AGBL4: variants seen among roughly 807,000 people sequenced by gnomAD.
The protein encoded by AGBL4 is AGBL carboxypeptidase 4, also known as cytosolic carboxypeptidase 6.
A neutral mutation model predicts 66.4 loss-of-function variants in AGBL4; 58 were observed. The observed-to-expected ratio is 0.87, with a 90% CI of 0.71 to 1.09. The LOEUF (loss-of-function observed/expected upper bound fraction) is 1.09, where lower values mean the gene tolerates loss of function less well. Among genes scored for constraint, AGBL4 ranks in the 50% least tolerant of loss-of-function variants. The probability of loss-of-function intolerance (pLI) is 0.00; values close to 1 mark genes in which losing one functional copy is unlikely to be tolerated. For synonymous variants in AGBL4, 234 were observed against 222.9 expected, an observed-to-expected ratio of 1.05 and a Z score of -0.44; for missense variants, 579 against 631.0, an observed-to-expected ratio of 0.92 and a Z score of 0.88.
chr1:48,769,526 A>AACACACACACACACACACAC (rs558937968), intron 6 of AGBL4, among the ~76,000 whole-genome samples: 2 of 130,216 alleles, frequency 1.5e-5, no homozygotes, highest in Non-Finnish European at 3.2e-5. Flanking sequence ...GAGGATTTAA[A>AACACACACACACACACACAC]ACACACACAC....
chr1:49,166,059 T>G (rs1224749716), intron 4 of AGBL4, among the ~76,000 whole-genome samples: 1 of 152,136 alleles, frequency 6.6e-6, no homozygotes, highest in Non-Finnish European at 1.5e-5. Context: ...CTGCATCTTG[T>G]GGACCTTAAA....
At chr1:49,790,719 G>A (rs1159507701) in intron 2 of AGBL4, among the ~76,000 whole-genome samples, 1 of 152,074 alleles carries the variant, frequency 6.6e-6, no homozygotes, top group Admixed American at 6.6e-5. Flanking sequence ...AAAACAGAGG[G>A]GATTCAGTGC....
intron 4 of AGBL4, among the ~76,000 whole-genome samples, chr1:49,238,717 G>A (rs1235401750): frequency 6.6e-6 from 1 of 152,172 alleles, no homozygotes; most frequent in Non-Finnish European, 1.5e-5. Context: ...TGGAGTAGGT[G>A]ATCATTGTCT....
At chr1:48,953,264 T>G (rs1571084106) in intron 5 of AGBL4, among the ~76,000 whole-genome samples, 1 of 152,154 alleles carries the variant, frequency 6.6e-6, no homozygotes, top group Non-Finnish European at 1.5e-5. Flanking sequence ...ATAGTTTCTA[T>G]CCCCATCACT....
At chr1:49,342,828 T>C (rs559783840) in intron 3 of AGBL4, among the ~76,000 whole-genome samples, 1 of 152,318 alleles carries the variant, frequency 6.6e-6, no homozygotes, top group South Asian at 2.1e-4. Context: ...AAATTCTAGA[T>C]CTTATAAAAA....
chr1:49,154,200 G>C (rs1320185076), intron 4 of AGBL4, among the ~76,000 whole-genome samples: 1 of 152,010 alleles, frequency 6.6e-6, no homozygotes, highest in Non-Finnish European at 1.5e-5. Flanking sequence ...TGTTACATCA[G>C]GAAAAGAGCT....
chr1:48,673,352 C>G (rs1346672588), intron 6 of AGBL4, among the ~76,000 whole-genome samples: 1 of 150,836 alleles, frequency 6.6e-6, no homozygotes, highest in Admixed American at 6.6e-5. Context: ...CCTTGTAGGC[C>G]TGGGAGTAAT....
At chr1:49,513,820 T>G (rs1649498217) in intron 3 of AGBL4, among the ~76,000 whole-genome samples, 1 of 151,996 alleles carries the variant, frequency 6.6e-6, no homozygotes, top group Admixed American at 6.6e-5. Context: ...GACTGACAAA[T>G]TAATCAGTTA....
At chr1:49,217,468 CA>C (rs1490775065) in intron 4 of AGBL4, among the ~76,000 whole-genome samples, 1 of 152,112 alleles carries the variant, frequency 6.6e-6, no homozygotes, top group Admixed American at 6.6e-5. Flanking sequence ...TTTTTGAAAC[CA>C]TCATAATCTA....
chr1:49,866,398 C>G (rs1366995619), intron 1 of AGBL4, among the ~76,000 whole-genome samples: 1 of 152,140 alleles, frequency 6.6e-6, no homozygotes, highest in Admixed American at 6.5e-5. Context: ...GCCCATCAGA[C>G]TAAAAGCAGA....
chr1:49,310,608 T>C (rs1644926030), intron 3 of AGBL4, among the ~76,000 whole-genome samples: 1 of 152,042 alleles, frequency 6.6e-6, no homozygotes, highest in Admixed American at 6.6e-5. Flanking sequence ...AAATAAGCTT[T>C]GAAGATACAT....
rs577943953 is a variant in AGBL4, at chr1:49,296,804, C to T, written c.283-50940G>A. ...GGAGATAAACTTAGTTAAGGCAGAG[C>T]CTCTTCTGTGTCAACACTGTCAGCA... is the stretch of plus-strand genomic sequence containing the variant. On this transcript the variant is annotated intron_variant, in intron 3 of 13. Transcript: ENST00000371839. Among the ~76,000 whole-genome samples the T allele has an allele frequency of 2.7e-4, 41 of 152,296 alleles. No individual in the cohort carries two copies. The South Asian group carries it at 8.5e-3, about 32-fold the overall frequency.
chr1:49,286,163 G>C (rs1034751694), intron 3 of AGBL4, among the ~76,000 whole-genome samples: 10 of 152,066 alleles, frequency 6.6e-5, no homozygotes, highest in African/African-American at 7.2e-5. Flanking sequence ...ATTCAACAAC[G>C]CTTCATGCTA....
At chr1:49,749,655 C>T (rs546992277) in intron 2 of AGBL4, among the ~76,000 whole-genome samples, 33 of 152,096 alleles carry the variant, frequency 2.2e-4, no homozygotes, top group South Asian at 1.7e-3. Flanking sequence ...ATTCCATTCA[C>T]GGTTATATCA....
intron 2 of AGBL4, among the ~76,000 whole-genome samples, chr1:49,746,744 A>G (rs2147824007): frequency 6.6e-6 from 1 of 152,228 alleles, no homozygotes; most frequent in East Asian, 1.9e-4. Flanking sequence ...AATTCTTACT[A>G]GATCCTTTGG....
At chr1:49,603,543 TAAA>T (rs1645003644) in intron 3 of AGBL4, among the ~76,000 whole-genome samples, 1 of 140,306 alleles carries the variant, frequency 7.1e-6, no homozygotes, top group African/African-American at 2.5e-5. Context: ...AATAAATAAA[TAAA>T]TAAATAAATA....
chr1:49,644,756 C>A (rs1229504177), intron 3 of AGBL4, among the ~76,000 whole-genome samples: 1 of 151,472 alleles, frequency 6.6e-6, no homozygotes, highest in Non-Finnish European at 1.5e-5. Context: ...ATAATACTAT[C>A]TACCAACTTG....
chr1:49,512,233 AG>A (rs1649335809), intron 3 of AGBL4, among the ~76,000 whole-genome samples: 1 of 152,022 alleles, frequency 6.6e-6, no homozygotes, highest in African/African-American at 2.4e-5. Flanking sequence ...TAGTGGAAAG[AG>A]CCTGAGATTC....
chr1:49,693,611 G>A (rs1459266971), intron 3 of AGBL4, among the ~76,000 whole-genome samples: 1 of 151,836 alleles, frequency 6.6e-6, no homozygotes, highest in Admixed American at 6.6e-5. Context: ...TTGTGTGTGT[G>A]GGGGGGTGCT....
Sources: allele counts gnomAD v4.1 joint callset (sites outside exome capture counted in the v4.1 genomes callset), GRCh38; gene constraint gnomAD v4.1.1; transcripts MANE v1.5; gene names NCBI Gene and HGNC (gene_info 2026-07-23, HGNC 2026-07-21).